Variants in MAPK8 observed in about 807,000 individuals in gnomAD.
MAPK8 encodes mitogen-activated protein kinase 8.
Under a neutral mutation model 52.9 loss-of-function variants are expected in MAPK8, and 13 were observed. The observed-to-expected ratio is 0.25, with a 90% CI of 0.16 to 0.39. MAPK8 has a LOEUF of 0.39. Ranked by LOEUF, MAPK8 falls within the 10% of genes least tolerant of loss-of-function variation. The probability of loss-of-function intolerance (pLI) is 1.00; values close to 1 mark genes in which losing one functional copy is unlikely to be tolerated. For synonymous variants in MAPK8, 191 were observed against 169.8 expected, an observed-to-expected ratio of 1.12 and a Z score of -0.97; for missense variants, 300 against 519.2, an observed-to-expected ratio of 0.58 and a Z score of 4.10.
At chr10:48,413,836 T>TTC (rs2042904686) in intron 5 of MAPK8, among the ~76,000 whole-genome samples, 1 of 106,508 alleles carries the variant, frequency 9.4e-6, no homozygotes, top group Non-Finnish European at 1.9e-5. Flanking sequence ...TATATATATA[T>TTC]ATATATATAT....
chr10:48,349,993 A>G (rs923892869), intron 1 of MAPK8, among the ~76,000 whole-genome samples: 6 of 152,242 alleles, frequency 3.9e-5, no homozygotes, highest in East Asian at 3.8e-4. Context: ...AAACACCTCT[A>G]TGCAAATAAA....
intron 5 of MAPK8, among the ~76,000 whole-genome samples, chr10:48,414,357 T>C (rs1408563158): frequency 6.6e-6 from 1 of 152,098 alleles, no homozygotes. Flanking sequence ...CAGGTAATGC[T>C]GACATGAACA....
At chr10:48,327,037 C>T (rs1843593688) in intron 1 of MAPK8, among the ~76,000 whole-genome samples, 1 of 152,084 alleles carries the variant, frequency 6.6e-6, no homozygotes, top group South Asian at 2.1e-4. Flanking sequence ...TTTCTTTTCC[C>T]CCCTCCGTCT....
chr10:48,409,695 C>T (rs930789383), intron 3 of MAPK8, among the ~76,000 whole-genome samples, 184 bp from the exon 4 acceptor site: 1 of 152,146 alleles, frequency 6.6e-6, no homozygotes, highest in African/African-American at 2.4e-5. Flanking sequence ...ACCTATCCAT[C>T]CCCTCCTCCA....
chr10:48,397,488 CAAAG>C (rs2132924784), intron 1 of MAPK8, among the ~76,000 whole-genome samples: 1 of 152,208 alleles, frequency 6.6e-6, no homozygotes, highest in South Asian at 2.1e-4. Context: ...ATGATAGTGA[CAAAG>C]AACAGATTAG....
chr10:48,348,592 G>A (rs545346572), intron 1 of MAPK8, among the ~76,000 whole-genome samples: 1 of 152,236 alleles, frequency 6.6e-6, no homozygotes, highest in East Asian at 1.9e-4. Context: ...TCCAGTTTCA[G>A]TTTTCTGCAT....
At position 48,419,368 on chromosome 10, in the gene MAPK8, ATAG is replaced by A. The variant is rs1320003620; in HGVS notation, c.451-784_451-782del. Reference sequence around the variant, plus strand: ...TCGTTTTTTGGTCCTTTGGCTTATAATAGTATTCATCAAAGCTAACAGGCAAAG... The same window carrying A: ...TCGTTTTTTGGTCCTTTGGCTTATAATATTCATCAAAGCTAACAGGCAAAG... On this transcript the variant is annotated intron_variant, in intron 5 of 11. Coordinates refer to ENST00000374189, the MANE Select transcript of MAPK8 (RefSeq NM_001323329.2). Among the ~76,000 whole-genome samples, 3 of 152,316 alleles carry A rather than the reference ATAG, an allele frequency of 2.0e-5. No homozygotes were observed. The East Asian group carries it at 5.8e-4, about 29-fold the overall frequency.
intron 1 of MAPK8, 38 bp from the exon 2 acceptor site, chr10:48,401,574 T>A (rs112232614): frequency 4.9e-6 from 7 of 1,433,968 alleles, no homozygotes; most frequent in Non-Finnish European, 4.8e-6. Flanking sequence ...TTAAAACAAG[T>A]TCATTTTGTT....
Position 48,409,860 on chromosome 10 carries a change from C to G in MAPK8, c.253-19C>G. 2 of 1,564,398 alleles carry G rather than the reference C, an allele frequency of 1.3e-6. No individual in the cohort carries two copies. The highest frequency in any genetic ancestry group is 8.7e-7 in the Non-Finnish European group (1 of 1,142,874). ...ATGAAGTAATTTCTAATTTTTCTGTCTCTCGACTTTTATTATAGATAATTG... is the reference window on the plus strand; with the variant it reads ...ATGAAGTAATTTCTAATTTTTCTGTGTCTCGACTTTTATTATAGATAATTG... On this transcript the variant is annotated intron_variant, in intron 3 of 11. Transcript: ENST00000374189.
chr10:48,395,543 A>G (rs2041845177), intron 1 of MAPK8, among the ~76,000 whole-genome samples: 1 of 152,100 alleles, frequency 6.6e-6, no homozygotes, highest in African/African-American at 2.4e-5. Context: ...AACCAGCTGT[A>G]CATCATCCAA....
intron 10 of MAPK8, 173 bp downstream of exon 10, chr10:48,427,316 C>A: frequency 2.1e-6 from 1 of 485,954 alleles, no homozygotes; most frequent in Non-Finnish European, 3.7e-6. Flanking sequence ...TTAACTTAAT[C>A]TTAAGTTCCC....
intron 1 of MAPK8, among the ~76,000 whole-genome samples, chr10:48,338,843 C>A (rs1844956344): frequency 6.6e-6 from 1 of 151,094 alleles, no homozygotes; most frequent in Admixed American, 6.6e-5. Flanking sequence ...ACACACACAC[C>A]ACACACACAC....
At chr10:48,409,230 G>A (rs571392955) in intron 3 of MAPK8, among the ~76,000 whole-genome samples, 30 of 152,208 alleles carry the variant, frequency 2.0e-4, no homozygotes, top group African/African-American at 7.2e-4. Context: ...ACAGTAGAAT[G>A]GACAGCATTC....
chr10:48,380,782 A>G (rs1249651876), intron 1 of MAPK8, among the ~76,000 whole-genome samples: 1 of 152,200 alleles, frequency 6.6e-6, no homozygotes, highest in Admixed American at 6.6e-5. Context: ...AAGATAAGAA[A>G]GGTTTGAAAT....
intron 1 of MAPK8, among the ~76,000 whole-genome samples, chr10:48,353,798 A>G (rs1339457138): frequency 6.6e-6 from 1 of 152,244 alleles, no homozygotes; most frequent in African/African-American, 2.4e-5. Flanking sequence ...GCATTTATAG[A>G]ACATTCTTGA....
At chr10:48,366,422 C>T (rs1421273205) in intron 1 of MAPK8, among the ~76,000 whole-genome samples, 1 of 152,072 alleles carries the variant, frequency 6.6e-6, no homozygotes, top group Non-Finnish European at 1.5e-5. Flanking sequence ...CAGAAATTAC[C>T]TGATTGGTGC....
intron 1 of MAPK8, among the ~76,000 whole-genome samples, chr10:48,335,496 A>T (rs1211679858): frequency 6.6e-6 from 1 of 152,196 alleles, no homozygotes; most frequent in African/African-American, 2.4e-5. Flanking sequence ...CTGCACAGGG[A>T]TAGATACAAA....
At chr10:48,422,670 C>T (rs2133209750) in intron 6 of MAPK8, among the ~76,000 whole-genome samples, 1 of 152,062 alleles carries the variant, frequency 6.6e-6, no homozygotes, top group East Asian at 1.9e-4. Context: ...AAAACGGAAA[C>T]CTTAGAAAAA....
At chr10:48,372,094 A>G (rs1240278294) in intron 1 of MAPK8, among the ~76,000 whole-genome samples, 1 of 152,122 alleles carries the variant, frequency 6.6e-6, no homozygotes, top group African/African-American at 2.4e-5. Flanking sequence ...TTACTTAGGA[A>G]TGATTGATTA....
Sources: gnomAD v4.1 joint callset for allele counts (sites outside exome capture counted in the v4.1 genomes callset) on GRCh38, gnomAD v4.1.1 for gene constraint, MANE v1.5 for transcripts, NCBI Gene and HGNC (gene_info 2026-07-23, HGNC 2026-07-21) for gene names.